TACC1: variants seen among roughly 807,000 people sequenced by gnomAD.
TACC1 encodes the protein transforming acidic coiled-coil-containing protein 1.
In TACC1, 48 loss-of-function variants were observed where a neutral mutation model predicts 84.4. That is an observed-to-expected ratio of 0.57 (90% CI 0.45 to 0.72). TACC1 has a LOEUF of 0.72. Among genes scored for constraint, TACC1 ranks in the 30% least tolerant of loss-of-function variants. The pLI is 0.00. For missense variants in TACC1, 920 were observed against 973.0 expected, an observed-to-expected ratio of 0.95 and a Z score of 0.72; for synonymous variants, 372 against 376.3, an observed-to-expected ratio of 0.99 and a Z score of 0.13.
intron 2 of TACC1, among the ~76,000 whole-genome samples, chr8:38,803,173 G>A (rs1821824809): frequency 6.6e-6 from 1 of 152,102 alleles, no homozygotes; most frequent in African/African-American, 2.4e-5. Flanking sequence ...TTTTTTGGTG[G>A]ATTCCGTAGG....
At chr8:38,733,265 A>G (rs1420637375) in intron 1 of TACC1, among the ~76,000 whole-genome samples, 1 of 151,982 alleles carries the variant, frequency 6.6e-6, no homozygotes, top group Non-Finnish European at 1.5e-5. Context: ...CCGCTCTGCA[A>G]TAAATACCCT....
chr8:38,842,329 A>G lies in TACC1; in HGVS notation c.2003A>G (p.Gln668Arg). 6.2e-7 allele frequency: 1 copy of G among 1,614,162 alleles called. No individual in the cohort carries two copies. Among genetic ancestry groups the G allele is most frequent in the Non-Finnish European group, 8.5e-7 (1 of 1,180,008 alleles). ...RTSMTSQKSF[Q>R]QLTMEKEQAL... Reference sequence around the variant, plus strand: ...AGTATGACCTCTCAGAAGAGCTTCCAGCAACTGACCATGGAGAAGGAACAG... The same window carrying G: ...AGTATGACCTCTCAGAAGAGCTTCCGGCAACTGACCATGGAGAAGGAACAG... Residue 668 changes from glutamine (Q) to arginine (R), a missense_variant, in exon 10 of 13, where the codon CAG becomes CGG. Transcript: ENST00000317827.
At chr8:38,780,106 T>C (rs527460992) in intron 3 of TACC1, among the ~76,000 whole-genome samples, 3 of 152,344 alleles carry the variant, frequency 2.0e-5, no homozygotes, top group African/African-American at 7.2e-5. Context: ...TTATTTTGTG[T>C]CTGATTTCAT....
chr8:38,842,351 A>G lies in TACC1; in HGVS notation c.2025A>G (p.Glu675=), dbSNP rs766117578. 1 of 1,614,244 alleles carries G rather than the reference A, an allele frequency of 6.2e-7. No individual in the cohort carries two copies. The highest frequency in any genetic ancestry group is 1.3e-5 in the African/African-American group (1 of 75,068). The change falls in exon 10 of 13, where the codon GAA becomes GAG. Residue 675 remains glutamate, a synonymous_variant. Transcript: ENST00000317827. ...TCCAGCAACTGACCATGGAGAAGGA[A>G]CAGGCCCTGGCTGACCTTAACTCTG... ...KSFQQLTMEK[E]QALADLNSVE... is the part of the protein sequence containing the mutation.
chr8:38,759,173 T>C (rs1460048135), intron 3 of TACC1, among the ~76,000 whole-genome samples: 5 of 152,224 alleles, frequency 3.3e-5, no homozygotes, highest in African/African-American at 9.6e-5. Context: ...TGCTCCTTAA[T>C]GCTGGAGATC....
intron 1 of TACC1, among the ~76,000 whole-genome samples, chr8:38,734,563 C>T (rs569489835): frequency 1.3e-5 from 2 of 152,302 alleles, no homozygotes; most frequent in Admixed American, 6.5e-5. Context: ...CAAAAGCAGA[C>T]ACGATACAGA....
At chr8:38,788,138 G>T (rs1817742873) in intron 1 of TACC1, 1 of 200,052 alleles carries the variant, frequency 5.0e-6, no homozygotes, top group Non-Finnish European at 1.0e-5. Flanking sequence ...GGGCCCTACC[G>T]TGTACCCAAA....
intron 1 of TACC1, among the ~76,000 whole-genome samples, chr8:38,732,817 G>T (rs1261833446): frequency 6.6e-6 from 1 of 152,190 alleles, no homozygotes; most frequent in Admixed American, 6.5e-5. Context: ...TATCTAATTT[G>T]GGTATGAGTG....
Position 38,787,704 on chromosome 8 carries a change from AG to A in TACC1, c.124del (p.Glu42ArgfsTer10). ...GGCGGGCCCGAGGGCGACCCCGAGGAGGAGGATTCGCAAGCCGAGACCAAAT... is the reference window on the plus strand; with the variant it reads ...GGCGGGCCCGAGGGCGACCCCGAGGAGAGGATTCGCAAGCCGAGACCAAAT... ...EAGGPEGDPE[E>X]EDSQAETKSL... On this transcript the variant is annotated frameshift_variant, in exon 1 of 13. Coordinates refer to ENST00000317827, the MANE Select transcript of TACC1 (RefSeq NM_006283.3). LOFTEE classifies it high-confidence loss of function. 4 of 1,536,436 alleles carry A rather than the reference AG, an allele frequency of 2.6e-6. No homozygotes were observed. Among genetic ancestry groups the A allele is most frequent in the Non-Finnish European group, 3.5e-6 (4 of 1,148,218 alleles).
intron 3 of TACC1, among the ~76,000 whole-genome samples, chr8:38,745,876 C>T (rs949533796): frequency 1.3e-5 from 2 of 151,142 alleles, no homozygotes; most frequent in Middle Eastern, 3.4e-3. Flanking sequence ...GATGAGGTCT[C>T]ACTCTGTCAC....
intron 5 of TACC1, among the ~76,000 whole-genome samples, chr8:38,830,870 G>C (rs1280366638): frequency 1.3e-5 from 2 of 152,200 alleles, no homozygotes; most frequent in Admixed American, 1.3e-4. Context: ...ACACAAGGGG[G>C]CAGCCTTGCT....
upstream of TACC1, among the ~76,000 whole-genome samples, chr8:38,784,128 G>A (rs117972002): frequency 4.8e-4 from 73 of 152,300 alleles, no homozygotes; most frequent in East Asian, 0.014. Flanking sequence ...ACCTGTACCA[G>A]GTAAGAACGA....
chr8:38,744,325 A>G (rs950082384), intron 2 of TACC1, among the ~76,000 whole-genome samples: 12 of 152,090 alleles, frequency 7.9e-5, no homozygotes, highest in Non-Finnish European at 1.8e-4. Flanking sequence ...CATCTTGGCC[A>G]GGCTGGTTTC....
upstream of TACC1, among the ~76,000 whole-genome samples, chr8:38,782,362 A>G (rs1026476896): frequency 6.6e-6 from 1 of 152,052 alleles, no homozygotes; most frequent in African/African-American, 2.4e-5. Context: ...ATCATTTTTT[A>G]TGGCTGCATA....
intron 2 of TACC1, among the ~76,000 whole-genome samples, chr8:38,812,396 C>T (rs954099547): frequency 3.3e-5 from 5 of 152,080 alleles, no homozygotes; most frequent in Admixed American, 6.5e-5. Context: ...TCACCCCCGG[C>T]GGCGGCCCAG....
chr8:38,831,197 G>A lies in TACC1; in HGVS notation c.1713+20G>A. On this transcript the variant is annotated intron_variant, in intron 6 of 12. Transcript: ENST00000317827. ...GTGCTTGTAAGTTCCTGAATGTGGA[G>A]GGCCGGGTGGACTCAGGTTTCTTTC... The A allele has an allele frequency of 1.2e-6, 2 of 1,613,750 alleles. No homozygotes were observed. The highest frequency in any genetic ancestry group is 2.2e-5 in the South Asian group (2 of 91,054).
At chr8:38,799,136 T>C (rs1232491236) in intron 2 of TACC1, among the ~76,000 whole-genome samples, 1 of 151,930 alleles carries the variant, frequency 6.6e-6, no homozygotes, top group Non-Finnish European at 1.5e-5. Context: ...CTTGATTCAG[T>C]GTGGGGGAGG....
exon 3 of TACC1, chr8:38,744,943 G>T (rs1369772697): frequency 1.3e-5 from 2 of 152,340 alleles, no homozygotes; most frequent in African/African-American, 4.8e-5. Context: ...CTGCCTAAAG[G>T]AGCTGAAGAG....
chr8:38,799,565 A>G (rs1478370457), intron 2 of TACC1: 3 of 152,244 alleles, frequency 2.0e-5, no homozygotes, highest in Admixed American at 6.5e-5. Context: ...CTGGAGGTCA[A>G]ATGTTAAAAG....
Sources: allele counts gnomAD v4.1 joint callset (sites outside exome capture counted in the v4.1 genomes callset), GRCh38; gene constraint gnomAD v4.1.1; transcripts MANE v1.5; gene names NCBI Gene and HGNC (gene_info 2026-07-23, HGNC 2026-07-21).